CNTN5: variants seen among roughly 807,000 people sequenced by gnomAD.
CNTN5 encodes the protein contactin 5, also known as contactin-5.
CNTN5 carries 77 observed loss-of-function variants against 129.1 expected under a neutral mutation model. That is an observed-to-expected ratio of 0.60 (90% CI 0.50 to 0.72). The LOEUF (loss-of-function observed/expected upper bound fraction) is 0.72. CNTN5 is among the 30% of genes least tolerant of loss of function. CNTN5 has a pLI of 0.00. For missense variants in CNTN5, 1,478 were observed against 1,328.8 expected (o/e 1.11, Z -1.75); for synonymous variants, 509 against 465.6 (o/e 1.09, Z -1.20).
At chr11:100,031,967 G>A (rs189188286) in intron 9 of CNTN5, among the ~76,000 whole-genome samples, 102 of 152,204 alleles carry the variant, frequency 6.7e-4, no homozygotes, top group Admixed American at 2.7e-3. Flanking sequence ...AGCTTTCACT[G>A]TCTTGTGTGT....
chr11:100,298,135 T>A (rs1375376641), intron 19 of CNTN5, among the ~76,000 whole-genome samples: 1 of 151,412 alleles, frequency 6.6e-6, no homozygotes, highest in Non-Finnish European at 1.5e-5. Context: ...TATTATTAAA[T>A]GTAAATAGCT....
intron 2 of CNTN5, among the ~76,000 whole-genome samples, chr11:99,332,975 A>G (rs987497515): frequency 2.6e-5 from 4 of 152,024 alleles, no homozygotes; most frequent in African/African-American, 9.7e-5. Flanking sequence ...ACTTTCATGC[A>G]TCGTAATTTA....
intron 1 of CNTN5, among the ~76,000 whole-genome samples, chr11:99,086,759 C>G (rs953300553): frequency 2.0e-5 from 3 of 152,108 alleles, no homozygotes; most frequent in East Asian, 1.9e-4. Context: ...AAGCAACAAT[C>G]AAGGTGGAGT....
At chr11:100,283,007 C>A (rs933235002) in intron 18 of CNTN5, among the ~76,000 whole-genome samples, 10 of 152,180 alleles carry the variant, frequency 6.6e-5, no homozygotes, top group African/African-American at 2.4e-4. Flanking sequence ...TGTCCCTGGG[C>A]AGGTCCAGAA....
chr11:99,905,424 A>G lies in CNTN5; in HGVS notation c.578-10630A>G, dbSNP rs112597021. Among the ~76,000 whole-genome samples the G allele has an allele frequency of 7.1e-3, 1,088 of 152,254 alleles. 17 individuals are homozygous for G. The highest frequency in any genetic ancestry group is 0.034 in the Middle Eastern group (10 of 294). On this transcript the variant is annotated intron_variant, in intron 6 of 24. Coordinates refer to ENST00000524871, the MANE Select transcript of CNTN5 (RefSeq NM_014361.4). ...TCTTTCCCCATGGCTTGTTTTTGTC[A>G]GGTTTCTCAAAGACCAGATGGTTGT... is the stretch of plus-strand genomic sequence containing the variant.
chr11:99,514,756 C>G (rs756833678), intron 2 of CNTN5, among the ~76,000 whole-genome samples: 3 of 152,016 alleles, frequency 2.0e-5, no homozygotes, highest in Non-Finnish European at 4.4e-5. Context: ...TTTTATTGCA[C>G]TGCGAAACCA....
intron 23 of CNTN5, among the ~76,000 whole-genome samples, chr11:100,345,330 C>T (rs1393887730): frequency 6.6e-6 from 1 of 152,074 alleles, no homozygotes; most frequent in Non-Finnish European, 1.5e-5. Flanking sequence ...CACGAGAAGC[C>T]TCTTTTATAA....
At chr11:99,696,008 A>C (rs904519628) in intron 3 of CNTN5, among the ~76,000 whole-genome samples, 1 of 152,078 alleles carries the variant, frequency 6.6e-6, no homozygotes, top group Non-Finnish European at 1.5e-5. Context: ...ATTAATTTAA[A>C]AATATTTTTT....
rs559760626 is a variant in CNTN5 at position 99,471,505 on chromosome 11, G to A, written c.-70-84640G>A. Among the ~76,000 whole-genome samples the A allele has an allele frequency of 6.2e-4, 94 of 152,148 alleles. 2 individuals are homozygous for A. Among genetic ancestry groups the A allele is most frequent in the African/African-American group, 2.0e-3 (85 of 41,542 alleles). ...TCAGTGAAGAGACAGGTTAGCTAGC[G>A]ATTAAGAGCACAGATTATTCTTAAC... is the stretch of plus-strand genomic sequence containing the variant. On this transcript the variant is annotated intron_variant, in intron 2 of 24. Transcript: ENST00000524871.
chr11:99,555,615 G>C (rs1055497584), intron 2 of CNTN5, among the ~76,000 whole-genome samples: 17 of 151,830 alleles, frequency 1.1e-4, no homozygotes, highest in African/African-American at 4.1e-4. Context: ...CTATAACACA[G>C]TACAGATAAT....
chr11:99,752,113 A>G (rs1944256940), intron 3 of CNTN5, among the ~76,000 whole-genome samples: 1 of 152,184 alleles, frequency 6.6e-6, no homozygotes, highest in African/African-American at 2.4e-5. Context: ...TTATTTCATT[A>G]TAGCAGCACA....
intron 10 of CNTN5, among the ~76,000 whole-genome samples, chr11:100,062,130 T>TAA (rs1485441102): frequency 2.0e-5 from 3 of 152,188 alleles, no homozygotes; most frequent in Non-Finnish European, 4.4e-5. Context: ...AGTATATATA[T>TAA]AATGGGTAAG....
At chr11:99,108,104 G>T (rs1046454906) in intron 1 of CNTN5, among the ~76,000 whole-genome samples, 6 of 152,094 alleles carry the variant, frequency 3.9e-5, no homozygotes, top group Non-Finnish European at 8.8e-5. Context: ...TAATTCCTCA[G>T]TTGTGATGGT....
chr11:99,957,184 T>C (rs1034423867), intron 8 of CNTN5, among the ~76,000 whole-genome samples, 175 bp downstream of exon 8: 9 of 152,166 alleles, frequency 5.9e-5, no homozygotes, highest in Non-Finnish European at 1.2e-4. Flanking sequence ...AATAAAAGTT[T>C]AGACATAAGA....
intron 3 of CNTN5, among the ~76,000 whole-genome samples, chr11:99,734,374 C>T (rs1943631759): frequency 6.6e-6 from 1 of 152,156 alleles, no homozygotes; most frequent in Non-Finnish European, 1.5e-5. Context: ...AATCCTATCA[C>T]TTCACTTTCT....
At chr11:99,494,639 C>T (rs1465414379) in intron 2 of CNTN5, among the ~76,000 whole-genome samples, 1 of 152,170 alleles carries the variant, frequency 6.6e-6, no homozygotes, top group East Asian at 1.9e-4. Flanking sequence ...TAGCCCTGGA[C>T]AGTCTGTGAT....
intron 6 of CNTN5, among the ~76,000 whole-genome samples, chr11:99,878,903 G>T (rs1239773865): frequency 2.0e-5 from 3 of 152,020 alleles, no homozygotes; most frequent in African/African-American, 7.2e-5. Flanking sequence ...ACTCCCAAAA[G>T]GTTCTGGTGA....
intron 3 of CNTN5, among the ~76,000 whole-genome samples, chr11:99,602,398 T>A (rs1481876116): frequency 1.3e-5 from 2 of 152,108 alleles, no homozygotes; most frequent in African/African-American, 4.8e-5. Context: ...AAGCGCAGTG[T>A]TTACATTCAT....
At chr11:99,443,774 T>A (rs1330948583) in intron 2 of CNTN5, among the ~76,000 whole-genome samples, 1 of 152,172 alleles carries the variant, frequency 6.6e-6, no homozygotes, top group African/African-American at 2.4e-5. Flanking sequence ...TTAAAATACT[T>A]GTTTATGGGT....
Sources: gnomAD v4.1 joint callset for allele counts (sites outside exome capture counted in the v4.1 genomes callset) on GRCh38, gnomAD v4.1.1 for gene constraint, MANE v1.5 for transcripts, NCBI Gene and HGNC (gene_info 2026-07-23, HGNC 2026-07-21) for gene names.